PHF1: variants seen among roughly 807,000 people sequenced by gnomAD.
PHF1 encodes PHD finger protein 1, also known as polycomb-like 1.
In PHF1, 16 loss-of-function variants were observed where a neutral mutation model predicts 69.4. The observed-to-expected ratio is 0.23, with a 90% confidence interval of 0.16 to 0.35. The LOEUF is 0.35. PHF1 is among the 10% of genes least tolerant of loss of function. The pLI is 1.00. For synonymous variants in PHF1, 274 were observed against 275.0 expected (o/e 1.00, Z 0.04); for missense variants, 515 against 732.8 (o/e 0.70, Z 3.43).
chr6:33,415,458 G>A (rs945548747), intron 13 of PHF1, 129 bp downstream of exon 13: 14 of 1,230,618 alleles, frequency 1.1e-5, no homozygotes, highest in South Asian at 1.3e-5. Context: ...CCGACTTCTA[G>A]AACTAGTGTC....
rs138002129 is a variant in PHF1, at chr6:33,414,561, A to T, written c.944+17A>T. 1 of 1,612,810 alleles carries T rather than the reference A, an allele frequency of 6.2e-7. No homozygotes were observed. Among genetic ancestry groups the T allele is most frequent in the East Asian group, 2.2e-5 (1 of 44,870 alleles). On this transcript the variant is annotated intron_variant, in intron 10 of 14. Coordinates refer to ENST00000374516, the MANE Select transcript of PHF1 (RefSeq NM_024165.3). The surrounding 1 kb of genome is among the most constrained non-coding windows in gnomAD (Gnocchi z 5.0). Reference sequence around the variant, plus strand: ...CAAGGACCGGTGAGTTGGAGGGAAGAGGAGGCAAGGATGAGGCTCGGAAAG... The same window carrying T: ...CAAGGACCGGTGAGTTGGAGGGAAGTGGAGGCAAGGATGAGGCTCGGAAAG...
rs1229277835 is a variant in PHF1 at position 33,414,303 on chromosome 6, T to C, written c.813T>C (p.Phe271=). The C allele has an allele frequency of 1.2e-6, 2 of 1,614,176 alleles. No individual in the cohort carries two copies. Among genetic ancestry groups the C allele is most frequent in the Non-Finnish European group, 8.5e-7 (1 of 1,180,022 alleles). Residue 271 remains phenylalanine, a synonymous_variant, in exon 9 of 15, where the codon TTT becomes TTC. Coordinates refer to ENST00000374516, the MANE Select transcript of PHF1 (RefSeq NM_024165.3). This position sits in a 1 kb window ranked among gnomAD's most constrained non-coding sequence, Gnocchi z 5.0. ...HLSVCCKKKY[F]DFDREILPFT... ...GTGTTTGCTGTAAGAAGAAATACTT[T>C]GATTTTGATCGTGAGATCCTCCCCT...
Position 33,412,616 on chromosome 6 carries a change from A to C in PHF1, c.241+27A>C, listed in dbSNP as rs562553185. On this transcript the variant is annotated intron_variant, in intron 3 of 14. Coordinates refer to ENST00000374516, the MANE Select transcript of PHF1 (RefSeq NM_024165.3). This position sits in a 1 kb window ranked among gnomAD's most constrained non-coding sequence, Gnocchi z 4.2. ...TAAGACTCTAGAGACCTGAGATTGCACATCCCATGGAAAACAAACCTGGCC... is the reference window on the plus strand; with the variant it reads ...TAAGACTCTAGAGACCTGAGATTGCCCATCCCATGGAAAACAAACCTGGCC... The C allele has an allele frequency of 8.9e-5, 143 of 1,613,304 alleles. 9 individuals are homozygous for C. Among genetic ancestry groups the C allele is most frequent in the East Asian group, 5.8e-4 (26 of 44,886 alleles).
At chr6:33,410,878 C>CA (rs1775983774), upstream of PHF1, 1 of 152,124 alleles carries the variant, frequency 6.6e-6, no homozygotes, top group Non-Finnish European at 1.5e-5. Flanking sequence ...GCCCTCCAGG[C>CA]CTGTTGGAGG....
At position 33,412,352 on chromosome 6, in the gene PHF1, G is replaced by A. The variant is rs764053763; in HGVS notation, c.89G>A (p.Arg30Gln). ...GCTCCCACCTCTGGCCCCAGGCCTC[G>A]GCTTTGGGAGGGTCAAGATGTGCTG... ...SPAPTSGPRP[R>Q]LWEGQDVLAR... Residue 30 changes from arginine (R) to glutamine (Q), a missense_variant, in exon 2 of 15, where the codon CGG becomes CAG. Physicochemically the swap from Arg to Gln is conservative, Grantham distance 43. This residue lies in a region of PHF1 where 52 missense variants were observed against 48.2 expected (regional missense o/e 1.08). Transcript: ENST00000374516. The surrounding 1 kb of genome is among the most constrained non-coding windows in gnomAD (Gnocchi z 4.2). 6.8e-6 allele frequency: 11 copies of A among 1,614,042 alleles called. No homozygotes were observed. The highest frequency in any genetic ancestry group is 5.3e-5 in the African/African-American group (4 of 74,902).
chr6:33,413,125 T>A, intron 4 of PHF1, 71 bp from the exon 5 acceptor site: 2 of 1,291,418 alleles, frequency 1.5e-6, no homozygotes, highest in South Asian at 2.4e-5. Flanking sequence ...ATGAGATGGG[T>A]AAAGACTATT....
Position 33,414,214 on chromosome 6 carries a change from C to G in PHF1, c.753-29C>G. 6.2e-7 allele frequency: 1 copy of G among 1,614,078 alleles called. No individual in the cohort carries two copies. The highest frequency in any genetic ancestry group is 8.5e-7 in the Non-Finnish European group (1 of 1,179,984). On this transcript the variant is annotated intron_variant, in intron 8 of 14. Transcript: ENST00000374516. The surrounding 1 kb of genome is among the most constrained non-coding windows in gnomAD (Gnocchi z 5.0). Reference sequence around the variant, plus strand: ...GACTCCCCTGGCTCTTAAAATGCCTCTGTGGTCTTGAAAACTTTGTTTTTC... The same window carrying G: ...GACTCCCCTGGCTCTTAAAATGCCTGTGTGGTCTTGAAAACTTTGTTTTTC...
intron 13 of PHF1, 27 bp downstream of exon 13, chr6:33,415,356 C>T: frequency 1.3e-6 from 2 of 1,530,746 alleles, no homozygotes; most frequent in Non-Finnish European, 1.8e-6. Flanking sequence ...CCCTCCCCCA[C>T]AAAATATGCT....
At position 33,413,749 on chromosome 6, in the gene PHF1, ATGC is replaced by A; in HGVS notation, c.605_607del (p.Leu202del). On this transcript the variant is annotated inframe_deletion, in exon 7 of 15. Coordinates refer to ENST00000374516, the MANE Select transcript of PHF1 (RefSeq NM_024165.3). ...GTTCCCCCTCAGGTGGAACCTGAAA[ATGC>A]TGCAGTGCCGGAGCTGCCTGCAGTG... 6.2e-7 allele frequency: 1 copy of A among 1,613,616 alleles called. No homozygotes were observed. Among genetic ancestry groups the A allele is most frequent in the Non-Finnish European group, 8.5e-7 (1 of 1,179,864 alleles).
upstream of PHF1, chr6:33,410,604 T>TG (rs1562846596): frequency 5.0e-4 from 2 of 3,988 alleles, no homozygotes; most frequent in African/African-American, 2.8e-3. Flanking sequence ...GAGGGCGTGG[T>TG]GGGGGCATCG....
At chr6:33,415,390 C>T (rs926696901) in intron 13 of PHF1, 61 bp downstream of exon 13, 2 of 1,383,482 alleles carry the variant, frequency 1.4e-6, no homozygotes, top group African/African-American at 2.8e-5. Context: ...ATCTTCTGGA[C>T]TTTATCACCC....
upstream of PHF1, chr6:33,411,006 C>T (rs1014411175): frequency 6.6e-6 from 1 of 150,944 alleles, no homozygotes; most frequent in Non-Finnish European, 1.5e-5. Flanking sequence ...CTCCCTCCCC[C>T]CCGCCGCCTC....
At chr6:33,413,596 TGTG>T (rs1317489345) in intron 6 of PHF1, 39 bp downstream of exon 6, 11 of 1,612,836 alleles carry the variant, frequency 6.8e-6, no homozygotes, top group African/African-American at 2.7e-5. Context: ...GAATGAATGA[TGTG>T]GTGGTGGATC....
In PHF1 at chr6:33,415,321, C is replaced by T. The variant is rs1483162678; in HGVS notation, c.1326C>T (p.Cys442=). 4.3e-6 allele frequency: 7 copies of T among 1,612,142 alleles called. No individual in the cohort carries two copies. The highest frequency in any genetic ancestry group is 1.7e-5 in the Admixed American group (1 of 59,982). Residue 442 remains cysteine, a synonymous_variant, in exon 13 of 15, where the codon TGC becomes TGT. Transcript: ENST00000374516. The part of the protein sequence containing the change: ...GYNFRPTDAR[C]LPSSPIRMFA... ...ACTTCCGGCCCACAGATGCCCGCTG[C>T]CTGCCCAGGTCAGTGCTCCTCTGCC...
chr6:33,413,250 G>A lies in PHF1; in HGVS notation c.392G>A (p.Gly131Asp), dbSNP rs761268636. Reference protein sequence around the residue: ...PRAPAPGEGEGTSWVCRQCVF... With the variant: ...PRAPAPGEGEDTSWVCRQCVF... The stretch of plus-strand genomic sequence containing the variant: ...GCTCCAGCCCCTGGAGAGGGAGAGG[G>A]CACATCCTGGGTATGCCGCCAGTGT... The change falls in exon 5 of 15, where the codon GGC becomes GAC. Residue 131 changes from glycine to aspartate, a missense_variant. Around this residue, in one of 5 missense-constraint regions of PHF1, gnomAD observed 142 missense variants for 309.7 expected, o/e 0.46. Coordinates refer to ENST00000374516, the MANE Select transcript of PHF1 (RefSeq NM_024165.3). 3.6e-5 allele frequency: 58 copies of A among 1,614,046 alleles called. No individual in the cohort carries two copies. The highest frequency in any genetic ancestry group is 2.4e-5 in the Non-Finnish European group (28 of 1,180,024).
chr6:33,413,350 T>C (rs1016959573), intron 5 of PHF1, 54 bp downstream of exon 5: 1 of 1,611,542 alleles, frequency 6.2e-7, no homozygotes, highest in African/African-American at 1.3e-5. Flanking sequence ...CCACAGCCTC[T>C]CCCAAGCCTT....
intron 7 of PHF1, 80 bp from the exon 8 acceptor site, chr6:33,413,961 C>A: frequency 6.3e-7 from 1 of 1,582,818 alleles, no homozygotes; most frequent in Non-Finnish European, 8.7e-7. Flanking sequence ...CCTGTTTGCC[C>A]CGTCCTTGCT....
chr6:33,413,585 GGAAT>G, intron 6 of PHF1, 28 bp downstream of exon 6: 1 of 1,613,842 alleles, frequency 6.2e-7, no homozygotes. Context: ...AGCAGACTGT[GGAAT>G]GAATGATGTG....
rs955233905 is a variant in PHF1 at position 33,414,357 on chromosome 6, C to G, written c.867C>G (p.Leu289=). Residue 289 remains leucine, a synonymous_variant, in exon 9 of 15, where the codon CTC becomes CTG. Coordinates refer to ENST00000374516, the MANE Select transcript of PHF1 (RefSeq NM_024165.3). This position sits in a 1 kb window ranked among gnomAD's most constrained non-coding sequence, Gnocchi z 5.0. The part of the protein sequence containing the change: ...PFTSENWDSL[L]LGELSDTPKG... ...CTTCTGAGAATTGGGACAGTTTGCT[C>G]CTGGGGGAGGTAAGGGGTAGTGCAG... 6.2e-7 allele frequency: 1 copy of G among 1,614,046 alleles called. No individual in the cohort carries two copies. Among genetic ancestry groups the G allele is most frequent in the Non-Finnish European group, 8.5e-7 (1 of 1,180,016 alleles).
Sources: gnomAD v4.1 joint callset for allele counts on GRCh38, gnomAD v4.1.1 for gene constraint, gnomAD v4.1.1 regional missense constraint, Gnocchi (gnomAD v3.1) non-coding constraint, MANE v1.5 for transcripts, NCBI Gene and HGNC (gene_info 2026-07-23, HGNC 2026-07-21) for gene names.